The following KICS2 variants were observed in gnomAD, a reference collection of about 807,000 sequenced individuals.
KICS2 encodes KICSTOR complex protein C12orf66.
A neutral mutation model predicts 31.4 loss-of-function variants in KICS2; 13 were observed. The observed-to-expected ratio is 0.41, with a 90% CI of 0.27 to 0.66. KICS2 has a LOEUF of 0.66. Ranked by LOEUF, KICS2 falls within the 30% of genes least tolerant of loss-of-function variation. KICS2 has a pLI of 0.28. For synonymous variants in KICS2, 209 were observed against 214.8 expected, an observed-to-expected ratio of 0.97 and a Z score of 0.24; for missense variants, 455 against 545.4, an observed-to-expected ratio of 0.83 and a Z score of 1.65.
intron 2 of KICS2, among the ~76,000 whole-genome samples, chr12:64,204,585 G>A (rs987069113): frequency 2.0e-5 from 3 of 152,090 alleles, no homozygotes; most frequent in Non-Finnish European, 2.9e-5. Context: ...CCAGGAGTTC[G>A]AAACCGGCCT....
intron 2 of KICS2, among the ~76,000 whole-genome samples, chr12:64,195,114 G>A (rs1007010972): frequency 6.6e-6 from 1 of 152,052 alleles, no homozygotes; most frequent in Non-Finnish European, 1.5e-5. Context: ...TAGAGACAAG[G>A]TCTCCCTATG....
downstream of KICS2, among the ~76,000 whole-genome samples, chr12:64,188,915 G>A (rs1022276572): frequency 7.9e-5 from 12 of 152,142 alleles, no homozygotes; most frequent in Admixed American, 7.9e-4. Flanking sequence ...AGCACTTTGG[G>A]AGGCTGAGGC....
chr12:64,203,360 C>T (rs888733968), intron 2 of KICS2, among the ~76,000 whole-genome samples: 1 of 152,202 alleles, frequency 6.6e-6, no homozygotes, highest in Non-Finnish European at 1.5e-5. Flanking sequence ...TGAGAAGCGC[C>T]TAGTGGCTGC....
intron 2 of KICS2, among the ~76,000 whole-genome samples, chr12:64,214,284 G>T (rs2037608074): frequency 6.6e-6 from 1 of 152,156 alleles, no homozygotes; most frequent in Non-Finnish European, 1.5e-5. Context: ...TCACATTCTA[G>T]TTTTTGAGAA....
chr12:64,194,847 T>C (rs1162583847), intron 2 of KICS2, among the ~76,000 whole-genome samples, 189 bp from the exon 3 acceptor site: 4 of 152,238 alleles, frequency 2.6e-5, no homozygotes, highest in African/African-American at 9.6e-5. Flanking sequence ...TTCAAAATTA[T>C]GTCAACATCA....
At position 64,193,474 on chromosome 12, in the gene KICS2, CAGAG is replaced by C. The variant is rs991608410; in HGVS notation, c.*364_*367del. The C allele has an allele frequency of 5.9e-6, 6 of 1,011,232 alleles. No individual in the cohort carries two copies. In the East Asian group the frequency reaches 4.9e-4, roughly 83 times the overall value. 62.6% of individuals were successfully genotyped at this position (1,011,232 alleles called of 1,614,324 possible). On this transcript the variant is annotated 3_prime_UTR_variant, in exon 3 of 3. Coordinates refer to ENST00000398055, the MANE Select transcript of KICS2 (RefSeq NM_152440.5). ...ATTACTCTTCCAAGAAGGAGGGAAA[CAGAG>C]AGGCTGTTTGGAATTGCAGTAGAAC...
In KICS2 at chr12:64,215,689, T is replaced by A; in HGVS notation, c.510A>T (p.Lys170Asn). The A allele has an allele frequency of 6.2e-7, 1 of 1,613,110 alleles. No homozygotes were observed. The highest frequency in any genetic ancestry group is 8.5e-7 in the Non-Finnish European group (1 of 1,179,790). ...CTCCCCACACTGACCTGGAGCTGTA[T>A]TTTTTCATGATGGCATCCAAAAGGC... ...LVGLLDAIMKKYSSRFHHPIL... is the reference protein window; with the variant it reads ...LVGLLDAIMKNYSSRFHHPIL... Residue 170 changes from lysine to asparagine, a missense_variant, in exon 2 of 3, where the codon AAA becomes AAT. Lys to Asn is a moderately conservative substitution (Grantham distance 94). Transcript: ENST00000398055.
At position 64,193,066 on chromosome 12, in the gene KICS2, C is replaced by T. The variant is rs569170576; in HGVS notation, c.*776G>A. The T allele has an allele frequency of 1.0e-5, 10 of 985,378 alleles. No homozygotes were observed. The highest frequency in any genetic ancestry group is 1.1e-4 in the East Asian group (1 of 8,818). The allele number at this position is 985,378 out of a possible 1,614,324, so 61.0% of individuals were successfully genotyped here. A position where few individuals can be genotyped will look rare whatever the true frequency, so the allele number is the denominator to read the frequency against. ...CAGCAGAAAAGTGATAAACAGAAAG[C>T]GAAGCGGATAATATGCTGAAGAATG... On this transcript the variant is annotated 3_prime_UTR_variant, in exon 3 of 3. Transcript: ENST00000398055.
At chr12:64,190,913 C>T (rs1264782757), downstream of KICS2, among the ~76,000 whole-genome samples, 2 of 152,038 alleles carry the variant, frequency 1.3e-5, no homozygotes, top group African/African-American at 4.8e-5. Flanking sequence ...CAGGTAGGAC[C>T]CAGAGAGAAC....
chr12:64,193,280 G>A lies in KICS2; in HGVS notation c.*562C>T, dbSNP rs778328652. 8.0e-5 allele frequency: 79 copies of A among 985,808 alleles called. No homozygotes were observed. Among genetic ancestry groups the A allele is most frequent in the Non-Finnish European group, 9.5e-5 (79 of 830,394 alleles). The allele number at this position is 985,808 out of a possible 1,614,324, so 61.1% of individuals were successfully genotyped here. ...ATGCTACCAATCTGACTCACTTTCA[G>A]TTTCAATAACTGATAGAAATTTCTT... On this transcript the variant is annotated 3_prime_UTR_variant, in exon 3 of 3. Transcript: ENST00000398055.
chr12:64,196,322 AC>A (rs1196995089), intron 2 of KICS2, among the ~76,000 whole-genome samples: 1 of 151,246 alleles, frequency 6.6e-6, no homozygotes, highest in Non-Finnish European at 1.5e-5. Flanking sequence ...ACTGGGAGGC[AC>A]CCCCCAGCAG....
At chr12:64,187,517 T>C, downstream of KICS2, 1 of 947,028 alleles carries the variant, frequency 1.1e-6, no homozygotes, top group Non-Finnish European at 1.6e-6. Context: ...CCTTACGGAT[T>C]TACACCATAT....
chr12:64,193,744 G>T lies in KICS2; in HGVS notation c.*98C>A. On this transcript the variant is annotated 3_prime_UTR_variant, in exon 3 of 3. Transcript: ENST00000398055. ...TGTCTTTAATTTAGTTCTGAAAGAG[G>T]CATGAATGGATGTAAACTCTATTCA... The T allele has an allele frequency of 6.8e-7, 1 of 1,460,852 alleles. No homozygotes were observed. The highest frequency in any genetic ancestry group is 1.5e-5 in the South Asian group (1 of 68,000). 90.5% of individuals were successfully genotyped at this position (1,460,852 alleles called of 1,614,324 possible).
intron 1 of KICS2, among the ~76,000 whole-genome samples, chr12:64,217,675 C>T (rs139122813): frequency 0.034 from 5,187 of 152,042 alleles, 304 homozygotes; most frequent in African/African-American, 0.12. Flanking sequence ...GTGGTGGGTG[C>T]CTATAATCCC....
intron 2 of KICS2, among the ~76,000 whole-genome samples, chr12:64,201,972 T>A (rs2037494481): frequency 6.6e-6 from 1 of 152,204 alleles, no homozygotes; most frequent in African/African-American, 2.4e-5. Flanking sequence ...AATAATGTAG[T>A]CCCTTCCCAG....
intron 2 of KICS2, among the ~76,000 whole-genome samples, chr12:64,201,619 GA>G (rs142477212): frequency 1.6e-3 from 184 of 117,616 alleles, no homozygotes; most frequent in African/African-American, 5.7e-3. Context: ...AAAAAAAAAA[GA>G]AAAAAAAAAA....
At chr12:64,196,936 A>C (rs1019025756) in intron 2 of KICS2, among the ~76,000 whole-genome samples, 4 of 146,692 alleles carry the variant, frequency 2.7e-5, no homozygotes, top group Admixed American at 2.1e-4. Context: ...GCCTCCAAGA[A>C]ATATGGGACT....
chr12:64,220,627 T>G (rs962163308), intron 1 of KICS2, among the ~76,000 whole-genome samples: 3 of 151,952 alleles, frequency 2.0e-5, no homozygotes, highest in Middle Eastern at 3.2e-3. Flanking sequence ...ACTGCCTAAA[T>G]ATTACCTACC....
chr12:64,193,834 A>G lies in KICS2; in HGVS notation c.*8T>C. On this transcript the variant is annotated 3_prime_UTR_variant, in exon 3 of 3. Transcript: ENST00000398055. ...CTAGTCTTGAAACCCCTCCACGCAA[A>G]TCACCTGCTAACCTTTGGCTCCAGG... is the stretch of plus-strand genomic sequence containing the variant. 1 of 1,607,190 alleles carries G rather than the reference A, an allele frequency of 6.2e-7. No homozygotes were observed.
Sources: allele counts gnomAD v4.1 joint callset (sites outside exome capture counted in the v4.1 genomes callset), GRCh38; gene constraint gnomAD v4.1.1; transcripts MANE v1.5; gene names NCBI Gene and HGNC (gene_info 2026-07-23, HGNC 2026-07-21).